PDE4D: variants seen among roughly 807,000 people sequenced by gnomAD.
PDE4D encodes phosphodiesterase 4D, also known as 3',5'-cyclic-AMP phosphodiesterase 4D.
PDE4D carries 24 observed loss-of-function variants against 87.4 expected under a neutral mutation model. The observed-to-expected ratio is 0.27, with a 90% CI of 0.20 to 0.39. The LOEUF is 0.39. Ranked by LOEUF, PDE4D falls within the 10% of genes least tolerant of loss-of-function variation. The pLI is 1.00. For missense variants in PDE4D, 714 were observed against 1,041.0 expected, an observed-to-expected ratio of 0.69 and a Z score of 4.32; for synonymous variants, 384 against 383.2, an observed-to-expected ratio of 1.00 and a Z score of -0.02.
Position 59,197,384 on chromosome 5 carries a change from C to T in PDE4D, c.648-3848G>A, listed in dbSNP as rs142944075. Among the ~76,000 whole-genome samples the T allele has an allele frequency of 3.6e-3, 549 of 152,086 alleles. 3 individuals are homozygous for T. Among genetic ancestry groups the T allele is most frequent in the African/African-American group, 0.012 (516 of 41,474 alleles). On this transcript the variant is annotated intron_variant, in intron 2 of 14. Coordinates refer to ENST00000340635, the MANE Select transcript of PDE4D (RefSeq NM_001104631.2). ...TAAATTGCCCAGAAATTGTTTCTGC[C>T]AAATATCTCAAGATGGTCTCATTTT...
At chr5:59,847,938 G>A (rs2064036388) in intron 1 of PDE4D, among the ~76,000 whole-genome samples, 1 of 152,028 alleles carries the variant, frequency 6.6e-6, no homozygotes, top group Non-Finnish European at 1.5e-5. Context: ...TGCGGGGCAG[G>A]AAGGTTCAAG....
At chr5:60,314,725 C>G (rs1283220740) in intron 1 of PDE4D, among the ~76,000 whole-genome samples, 1 of 151,732 alleles carries the variant, frequency 6.6e-6, no homozygotes, top group African/African-American at 2.4e-5. Context: ...CTATGAGTGA[C>G]AACATGCGGT....
chr5:59,480,489 C>T (rs1228195214), intron 1 of PDE4D, among the ~76,000 whole-genome samples: 1 of 152,084 alleles, frequency 6.6e-6, no homozygotes, highest in Non-Finnish European at 1.5e-5. Context: ...ACCCAACACC[C>T]AGGTTCTGGT....
intron 1 of PDE4D, among the ~76,000 whole-genome samples, chr5:60,220,436 T>C (rs1001739364): frequency 2.0e-5 from 3 of 152,158 alleles, no homozygotes; most frequent in East Asian, 3.9e-4. Context: ...TGCTTACAGA[T>C]TGTAATCACC....
At chr5:59,984,079 G>GT (rs1762179609) in intron 3 of PDE4D, among the ~76,000 whole-genome samples, 1 of 152,002 alleles carries the variant, frequency 6.6e-6, no homozygotes, top group African/African-American at 2.4e-5. Context: ...GACACAACAA[G>GT]TACATACAGT....
chr5:59,229,281 A>C (rs114351071), intron 1 of PDE4D, among the ~76,000 whole-genome samples: 5,223 of 152,138 alleles, frequency 0.034, 323 homozygotes, highest in African/African-American at 0.12. Flanking sequence ...CTTTTTCTAT[A>C]CCGGTTATCA....
chr5:59,520,440 A>G (rs1811989620), intron 1 of PDE4D, among the ~76,000 whole-genome samples: 1 of 152,162 alleles, frequency 6.6e-6, no homozygotes, highest in South Asian at 2.1e-4. Context: ...AGATGAGTGG[A>G]ATAATGAAAG....
At chr5:60,367,100 T>G (rs10461453) in intron 1 of PDE4D, among the ~76,000 whole-genome samples, 15,841 of 152,108 alleles carry the variant, frequency 0.1, 1,014 homozygotes, top group South Asian at 0.28. Context: ...CCAATTTTTT[T>G]TTGTTGTTGT....
intron 3 of PDE4D, among the ~76,000 whole-genome samples, chr5:59,959,114 G>GCGCA (rs1554122619): frequency 2.0e-5 from 3 of 150,462 alleles, no homozygotes; most frequent in Non-Finnish European, 4.4e-5. Flanking sequence ...ACACGCAGGT[G>GCGCA]CACACACACA....
At chr5:59,096,332 T>C (rs1304547431) in intron 5 of PDE4D, among the ~76,000 whole-genome samples, 1 of 152,158 alleles carries the variant, frequency 6.6e-6, no homozygotes, top group African/African-American at 2.4e-5. Flanking sequence ...ATGATCAATG[T>C]GTCATGGAGC....
intron 1 of PDE4D, among the ~76,000 whole-genome samples, chr5:60,348,706 C>T (rs1351211919): frequency 6.6e-6 from 1 of 151,794 alleles, no homozygotes; most frequent in Admixed American, 6.6e-5. Context: ...CTGTATATTA[C>T]AAAAATTATT....
chr5:59,096,851 G>A (rs1452159070), intron 5 of PDE4D, among the ~76,000 whole-genome samples: 6 of 152,076 alleles, frequency 3.9e-5, no homozygotes, highest in South Asian at 2.1e-4. Context: ...ATTAAATGGC[G>A]GATAAAGCCA....
At chr5:59,161,251 G>C (rs1781054476) in intron 5 of PDE4D, among the ~76,000 whole-genome samples, 4 of 152,320 alleles carry the variant, frequency 2.6e-5, no homozygotes, top group African/African-American at 9.6e-5. Flanking sequence ...ATGTGCCCAA[G>C]GTGGTCAGGC....
intron 2 of PDE4D, among the ~76,000 whole-genome samples, chr5:59,199,371 G>A (rs1357183256): frequency 2.0e-5 from 3 of 151,740 alleles, no homozygotes; most frequent in Admixed American, 6.6e-5. Context: ...AGGATTACAG[G>A]TGTGCACCAC....
intron 1 of PDE4D, among the ~76,000 whole-genome samples, chr5:59,839,106 G>A (rs984785344): frequency 2.6e-5 from 4 of 151,822 alleles, no homozygotes; most frequent in African/African-American, 7.3e-5. Flanking sequence ...CACACTGAAC[G>A]TTCCACTGAA....
intron 1 of PDE4D, among the ~76,000 whole-genome samples, chr5:60,386,591 G>T (rs1762209162): frequency 6.6e-6 from 1 of 152,178 alleles, no homozygotes; most frequent in Non-Finnish European, 1.5e-5. Flanking sequence ...CAGCACTGAT[G>T]GGCAGAAAGC....
At chr5:59,225,790 C>A (rs535093933) in intron 1 of PDE4D, among the ~76,000 whole-genome samples, 1 of 143,692 alleles carries the variant, frequency 7.0e-6, no homozygotes, top group Admixed American at 6.8e-5. Flanking sequence ...TCCTACAACT[C>A]AATAGCAAAA....
rs550683651 is a variant in PDE4D, at chr5:59,269,672, T to G, written c.456-53704A>C. ...GTATTTTAAGGAGAGGGTTTGAATT[T>G]GGGGTGGGGGGTAAATGTACAAACT... is the stretch of plus-strand genomic sequence containing the variant. On this transcript the variant is annotated intron_variant, in intron 1 of 14. Coordinates refer to ENST00000340635, the MANE Select transcript of PDE4D (RefSeq NM_001104631.2). Among the ~76,000 whole-genome samples, 5 of 152,182 alleles carry G rather than the reference T, an allele frequency of 3.3e-5. No individual in the cohort carries two copies. In the South Asian group the frequency reaches 1.0e-3, roughly 32 times the overall value.
intron 3 of PDE4D, among the ~76,000 whole-genome samples, chr5:59,932,277 CAAAG>C (rs1756051608): frequency 6.6e-6 from 1 of 152,106 alleles, no homozygotes; most frequent in Non-Finnish European, 1.5e-5. Flanking sequence ...ACTATACCAA[CAAAG>C]AAATAAACAT....
Sources: gnomAD v4.1 joint callset for allele counts (sites outside exome capture counted in the v4.1 genomes callset) on GRCh38, gnomAD v4.1.1 for gene constraint, MANE v1.5 for transcripts, NCBI Gene and HGNC (gene_info 2026-07-23, HGNC 2026-07-21) for gene names.